KMT2C: variants seen among roughly 807,000 people sequenced by gnomAD.
KMT2C encodes the protein lysine methyltransferase 2C.
KMT2C carries 88 observed loss-of-function variants against 507.9 expected under a neutral mutation model. That is an observed-to-expected ratio of 0.17 (90% CI 0.15 to 0.21). The LOEUF is 0.21. Among genes scored for constraint, KMT2C ranks in the 10% least tolerant of loss-of-function variants. The probability of loss-of-function intolerance (pLI) is 1.00; values close to 1 mark genes in which losing one functional copy is unlikely to be tolerated. For synonymous variants in KMT2C, 2,049 were observed against 2,080.8 expected, an observed-to-expected ratio of 0.98 and a Z score of 0.42; for missense variants, 4,954 against 5,957.8, an observed-to-expected ratio of 0.83 and a Z score of 5.55.
In KMT2C at chr7:152,199,276, T is replaced by C. The variant is rs1226828239; in HGVS notation, c.4273+3A>G. On this transcript the variant is annotated splice_donor_region_variant and intron_variant, in intron 27 of 58. Coordinates refer to ENST00000262189, the MANE Select transcript of KMT2C (RefSeq NM_170606.3). ...GAAAATATCTGTGAATAATTCTACA[T>C]ACCGTGAGTTCCAGATTTTGTTGGA... The C allele has an allele frequency of 4.4e-6, 7 of 1,583,778 alleles. No individual in the cohort carries two copies. In the African/African-American group the frequency reaches 5.5e-5, roughly 12 times the overall value.
In KMT2C at chr7:152,260,451, G is replaced by A. The variant is rs536980083; in HGVS notation, c.1299+2565C>T. ...AGTAGTTACTAGATATTATTAGAGA[G>A]TGTAAAGAAGGTAATTTTTTAAGTA... On this transcript the variant is annotated intron_variant, in intron 9 of 58. Transcript: ENST00000262189. 2.2e-4 allele frequency among the ~76,000 whole-genome samples: 33 copies of A among 152,258 alleles called. 2 individuals are homozygous for A. Among genetic ancestry groups the A allele is most frequent in the African/African-American group, 7.5e-4 (31 of 41,558 alleles).
intron 1 of KMT2C, among the ~76,000 whole-genome samples, chr7:152,395,576 T>C (rs1223277001): frequency 1.3e-5 from 2 of 152,088 alleles, no homozygotes; most frequent in African/African-American, 4.8e-5. Flanking sequence ...GGCGCCATCT[T>C]GGCTCACTGC....
At chr7:152,378,679 T>G (rs2097347598) in intron 1 of KMT2C, among the ~76,000 whole-genome samples, 1 of 152,204 alleles carries the variant, frequency 6.6e-6, no homozygotes, top group African/African-American at 2.4e-5. Flanking sequence ...TAGATATATA[T>G]CTGCATATAC....
At chr7:152,381,294 T>G (rs1315458390) in intron 1 of KMT2C, among the ~76,000 whole-genome samples, 1 of 151,088 alleles carries the variant, frequency 6.6e-6, no homozygotes, top group Non-Finnish European at 1.5e-5. Flanking sequence ...GAGGGAGTAA[T>G]TTTTGCTCCC....
chr7:152,257,173 T>C (rs1354482682), intron 9 of KMT2C, among the ~76,000 whole-genome samples: 1 of 152,168 alleles, frequency 6.6e-6, no homozygotes, highest in Non-Finnish European at 1.5e-5. Flanking sequence ...TATGCAGCTG[T>C]TTAAAAGGAG....
intron 31 of KMT2C, among the ~76,000 whole-genome samples, chr7:152,189,386 T>C (rs942848912): frequency 6.6e-6 from 1 of 152,158 alleles, no homozygotes; most frequent in Admixed American, 6.5e-5. Flanking sequence ...GCCATACTAT[T>C]ACAGGAGATC....
intron 37 of KMT2C, among the ~76,000 whole-genome samples, chr7:152,179,040 G>C (rs886799972): frequency 6.6e-6 from 1 of 152,164 alleles, no homozygotes; most frequent in African/African-American, 2.4e-5. Flanking sequence ...TCCCAGGCTG[G>C]AGTGCAGTGG....
chr7:152,272,118 G>A (rs2129176975), intron 7 of KMT2C, among the ~76,000 whole-genome samples: 1 of 151,932 alleles, frequency 6.6e-6, no homozygotes, highest in South Asian at 2.1e-4. Context: ...GTCTATTTTG[G>A]AAAAAGGCAG....
At chr7:152,180,195 TTTA>T in intron 36 of KMT2C, 69 bp from the exon 37 acceptor site, 1 of 1,529,560 alleles carries the variant, frequency 6.5e-7, no homozygotes, top group South Asian at 1.2e-5. Context: ...TTACTGGCTT[TTTA>T]TTTTTAGATA....
Position 152,220,408 on chromosome 7 carries a change from G to A in KMT2C, c.3712+115C>T. On this transcript the variant is annotated intron_variant, in intron 23 of 58. Transcript: ENST00000262189. ...AAATGGCAAGGGTCAGTCACATCAG[G>A]GGTTAACTAAGTCAGTGTGATTTAC... is the stretch of plus-strand genomic sequence containing the variant. 9.8e-6 allele frequency: 8 copies of A among 815,320 alleles called. No individual in the cohort carries two copies. The South Asian group carries it at 1.2e-4, about 12-fold the overall frequency. 50.5% of individuals were successfully genotyped at this position (815,320 alleles called of 1,614,324 possible). A position where few individuals can be genotyped will look rare whatever the true frequency, so the allele number is the denominator to read the frequency against.
chr7:152,164,259 A>C (rs2092616487), intron 42 of KMT2C, among the ~76,000 whole-genome samples: 2 of 151,966 alleles, frequency 1.3e-5, no homozygotes, highest in Admixed American at 1.3e-4. Context: ...AAATGTTAAG[A>C]TTTCATTTCT....
intron 31 of KMT2C, among the ~76,000 whole-genome samples, chr7:152,190,168 C>T (rs565414476): frequency 6.6e-6 from 1 of 152,292 alleles, no homozygotes; most frequent in Admixed American, 6.5e-5. Context: ...TTCCTTGAAA[C>T]TGGTCCCTGG....
chr7:152,297,051 A>AAGAAAGAGAG (rs1356233143), intron 6 of KMT2C, among the ~76,000 whole-genome samples: 4 of 60,240 alleles, frequency 6.6e-5, no homozygotes, highest in African/African-American at 1.4e-4. Context: ...GAAAGAAAGA[A>AAGAAAGAGAG]AGACAGAGAG....
rs867837957 is a variant in KMT2C, at chr7:152,217,225, T to G, written c.3712+3298A>C. On this transcript the variant is annotated intron_variant, in intron 23 of 58. Transcript: ENST00000262189. ...CTCAGCATAATGTAATAATAAGAACTTACGATGATTGTATTCTTTCCCTAT... is the reference window on the plus strand; with the variant it reads ...CTCAGCATAATGTAATAATAAGAACGTACGATGATTGTATTCTTTCCCTAT... 2.8e-4 allele frequency among the ~76,000 whole-genome samples: 42 copies of G among 152,224 alleles called. 1 individual carries two copies. In the Middle Eastern group the frequency reaches 0.017, roughly 62 times the overall value.
intron 46 of KMT2C, 80 bp downstream of exon 46, chr7:152,155,830 A>C (rs2092007238): frequency 7.4e-7 from 1 of 1,342,918 alleles, no homozygotes. Context: ...ATTCCTAAAG[A>C]CATTATGCCA....
chr7:152,249,331 T>G (rs894927489), intron 13 of KMT2C, among the ~76,000 whole-genome samples: 55 of 149,490 alleles, frequency 3.7e-4, no homozygotes, highest in Non-Finnish European at 7.3e-4. Flanking sequence ...TTTTTTTTTT[T>G]TTTTTTTTTT....
chr7:152,147,158 CTT>C (rs35312668), intron 52 of KMT2C, among the ~76,000 whole-genome samples: 5 of 146,588 alleles, frequency 3.4e-5, no homozygotes, highest in African/African-American at 1.2e-4. Context: ...TATTTTCAGA[CTT>C]TTTTTTTTTA....
At chr7:152,184,398 G>T (rs1449343995) in intron 34 of KMT2C, among the ~76,000 whole-genome samples, 3 of 152,134 alleles carry the variant, frequency 2.0e-5, no homozygotes, top group Non-Finnish European at 4.4e-5. Context: ...CGAAAGCAAG[G>T]ATTTGGTTCC....
intron 9 of KMT2C, among the ~76,000 whole-genome samples, chr7:152,257,301 C>CA (rs2095676568): frequency 6.6e-6 from 1 of 151,998 alleles, no homozygotes; most frequent in Non-Finnish European, 1.5e-5. Context: ...AAAATAAGAG[C>CA]AATATATCTT....
Sources: gnomAD v4.1 joint callset for allele counts (sites outside exome capture counted in the v4.1 genomes callset) on GRCh38, gnomAD v4.1.1 for gene constraint, MANE v1.5 for transcripts, NCBI Gene and HGNC (gene_info 2026-07-23, HGNC 2026-07-21) for gene names.